The following VPS13A variants were observed in gnomAD, a reference collection of about 807,000 sequenced individuals.
The protein encoded by VPS13A is intermembrane lipid transfer protein VPS13A.
Under a neutral mutation model 390.9 loss-of-function variants are expected in VPS13A, and 264 were observed. The ratio of observed to expected loss-of-function variants is 0.68; its 90% confidence interval spans 0.61 to 0.75. The LOEUF (loss-of-function observed/expected upper bound fraction) is 0.75. VPS13A is among the 30% of genes least tolerant of loss of function. VPS13A has a pLI of 0.00. For missense variants in VPS13A, 3,409 were observed against 3,733.9 expected (o/e 0.91, Z 2.27); for synonymous variants, 1,231 against 1,227.1 (o/e 1.00, Z -0.07).
Position 77,321,684 on chromosome 9 carries a change from A to G in VPS13A, c.5768A>G (p.Lys1923Arg). The G allele has an allele frequency of 6.2e-7, 1 of 1,613,362 alleles. No homozygotes were observed. Among genetic ancestry groups the G allele is most frequent in the East Asian group, 2.2e-5 (1 of 44,828 alleles). Residue 1923 changes from lysine to arginine, a missense_variant, in exon 44 of 72, where the codon AAG becomes AGG. Transcript: ENST00000360280. ...TTAAGTATGGATTATATCCGAACCA[A>G]GGACAATGATCATTTCAATGCAATG... ...ESLSMDYIRT[K>R]DNDHFNAMTS...
intron 68 of VPS13A, among the ~76,000 whole-genome samples, chr9:77,387,727 A>G (rs566526948): frequency 1.3e-5 from 2 of 152,324 alleles, no homozygotes; most frequent in Non-Finnish European, 2.9e-5. Context: ...TTGTTTCCTT[A>G]TTTAAAATAA....
At chr9:77,201,496 A>G in intron 3 of VPS13A, 89 bp downstream of exon 3, 1 of 1,121,576 alleles carries the variant, frequency 8.9e-7, no homozygotes, top group South Asian at 1.3e-5. Context: ...GATATTTTTC[A>G]TGTTTCTGAG....
chr9:77,301,446 A>G (rs2131389962), intron 33 of VPS13A, among the ~76,000 whole-genome samples: 1 of 152,328 alleles, frequency 6.6e-6, no homozygotes, highest in East Asian at 1.9e-4. Context: ...AGGCATATGT[A>G]AGTTTGGTGT....
At chr9:77,209,330 A>G (rs1825844374) in intron 5 of VPS13A, 93 bp from the exon 6 acceptor site, 1 of 867,012 alleles carries the variant, frequency 1.2e-6, no homozygotes. Context: ...TGTATATTTC[A>G]GCAAGGCAAC....
chr9:77,384,983 T>C, intron 68 of VPS13A: 1 of 1,089,142 alleles, frequency 9.2e-7, no homozygotes, highest in East Asian at 6.1e-5. Context: ...AATTTTGATG[T>C]TCACTGGTTT....
At chr9:77,413,982 T>G (rs1298006072) in intron 71 of VPS13A, among the ~76,000 whole-genome samples, 1 of 152,200 alleles carries the variant, frequency 6.6e-6, no homozygotes, top group Admixed American at 6.5e-5. Flanking sequence ...AGAAGACACA[T>G]GAAAAAATGC....
intron 1 of VPS13A, 31 bp downstream of exon 1, chr9:77,177,835 C>T (rs755882196): frequency 6.3e-7 from 1 of 1,585,574 alleles, no homozygotes; most frequent in South Asian, 1.1e-5. Context: ...GCTCCCCGGC[C>T]TCTCGTGCTT....
chr9:77,179,998 G>A (rs1823910949), intron 1 of VPS13A, among the ~76,000 whole-genome samples: 1 of 152,164 alleles, frequency 6.6e-6, no homozygotes, highest in East Asian at 1.9e-4. Context: ...TTAACCTAAT[G>A]TATTTTCAAG....
intron 71 of VPS13A, among the ~76,000 whole-genome samples, chr9:77,408,916 A>G (rs1047314500): frequency 2.0e-5 from 3 of 152,194 alleles, no homozygotes; most frequent in African/African-American, 7.2e-5. Context: ...GCAGACTTAA[A>G]TGTCCCTGTC....
At chr9:77,207,302 ATT>A (rs1825737350) in intron 5 of VPS13A, among the ~76,000 whole-genome samples, 1 of 140,780 alleles carries the variant, frequency 7.1e-6, no homozygotes, top group African/African-American at 2.5e-5. Flanking sequence ...AACATAACAT[ATT>A]TTATAACATA....
chr9:77,184,471 T>C (rs1824208993), intron 1 of VPS13A, among the ~76,000 whole-genome samples: 1 of 151,962 alleles, frequency 6.6e-6, no homozygotes, highest in South Asian at 2.1e-4. Flanking sequence ...ATACAAAAAT[T>C]AGCTGGGTGT....
rs1823193843 is a variant in VPS13A, at chr9:77,221,261, A to G, written c.1066A>G (p.Arg356Gly). The change falls in exon 13 of 72, where the codon AGA becomes GGA. Residue 356 changes from arginine to glycine, a missense_variant. Physicochemically the swap from Arg to Gly is moderately radical, Grantham distance 125. This residue lies in a region of VPS13A where 2,717 missense variants were observed against 2,917.4 expected (regional missense o/e 0.93). Coordinates refer to ENST00000360280, the MANE Select transcript of VPS13A (RefSeq NM_033305.3). ...RLWMWSWKHI[R>G]KHRQKVKQYK... ...ATGGATGTGGTCATGGAAGCATATT[A>G]GAAAACATAGGCAAAAAGTGAAGCA... 6.2e-7 allele frequency: 1 copy of G among 1,613,596 alleles called. No individual in the cohort carries two copies.
intron 21 of VPS13A, among the ~76,000 whole-genome samples, chr9:77,251,836 C>T (rs1165164819): frequency 6.6e-6 from 1 of 152,010 alleles, no homozygotes; most frequent in Admixed American, 6.6e-5. Flanking sequence ...ATTATAAATT[C>T]TTTTGAGTCT....
intron 9 of VPS13A, among the ~76,000 whole-genome samples, chr9:77,213,590 G>C (rs1320284304): frequency 6.6e-6 from 1 of 150,694 alleles, no homozygotes; most frequent in Non-Finnish European, 1.5e-5. Context: ...TCTAACTCTT[G>C]GGCTCAAGCA....
rs1299246965 is a variant in VPS13A, at chr9:77,205,300, C to G, written c.188-13C>G. On this transcript the variant is annotated splice_polypyrimidine_tract_variant and intron_variant, in intron 3 of 71. Transcript: ENST00000360280. ...TATTTTTTGTCCTTTTTTTTTTTCCCAAAAAAATGTAGGTAATCTTAAACT... is the reference window on the plus strand; with the variant it reads ...TATTTTTTGTCCTTTTTTTTTTTCCGAAAAAAATGTAGGTAATCTTAAACT... The G allele has an allele frequency of 1.4e-6, 2 of 1,410,584 alleles. No individual in the cohort carries two copies. Among genetic ancestry groups the G allele is most frequent in the African/African-American group, 2.9e-5 (2 of 68,076 alleles). The allele number at this position is 1,410,584 out of a possible 1,614,324, so 87.4% of individuals were successfully genotyped here. A position where few individuals can be genotyped will look rare whatever the true frequency, so the allele number is the denominator to read the frequency against.
intron 58 of VPS13A, 112 bp downstream of exon 58, chr9:77,359,514 A>T: frequency 9.9e-7 from 1 of 1,012,216 alleles, no homozygotes; most frequent in Non-Finnish European, 1.5e-6. Flanking sequence ...ATAAAATATT[A>T]ATTATAAACG....
chr9:77,306,014 A>G (rs796948594), intron 34 of VPS13A, among the ~76,000 whole-genome samples: 4 of 152,268 alleles, frequency 2.6e-5, no homozygotes, highest in African/African-American at 7.2e-5. Context: ...ACTGGAAGAC[A>G]TGGTTTAGAA....
chr9:77,215,314 C>T (rs1438213812), intron 10 of VPS13A, among the ~76,000 whole-genome samples: 1 of 152,176 alleles, frequency 6.6e-6, no homozygotes, highest in Non-Finnish European at 1.5e-5. Context: ...CTATATTATA[C>T]ACCTTCATGA....
In VPS13A at chr9:77,394,016, C is replaced by T. The variant is rs528428903; in HGVS notation, c.9190-9220C>T. On this transcript the variant is annotated intron_variant, in intron 68 of 71. Transcript: ENST00000360280. Reference sequence around the variant, plus strand: ...CTCCTGACCTCAGGTGATCCACCCACCTCGGCGTCCCAAAGTGCTAGGATT... The same window carrying T: ...CTCCTGACCTCAGGTGATCCACCCATCTCGGCGTCCCAAAGTGCTAGGATT... Among the ~76,000 whole-genome samples the T allele has an allele frequency of 1.9e-4, 29 of 152,116 alleles. No individual in the cohort carries two copies. In the South Asian group the frequency reaches 5.0e-3, roughly 26 times the overall value.
Sources: allele counts gnomAD v4.1 joint callset (sites outside exome capture counted in the v4.1 genomes callset), GRCh38; gene constraint gnomAD v4.1.1; regional missense constraint gnomAD v4.1.1; transcripts MANE v1.5; gene names NCBI Gene and HGNC (gene_info 2026-07-23, HGNC 2026-07-21).